MDGA2: variants seen among roughly 807,000 people sequenced by gnomAD.
MDGA2 encodes MAM domain containing glycosylphosphatidylinositol anchor 2.
In MDGA2, 40 loss-of-function variants were observed where a neutral mutation model predicts 117.8. The ratio of observed to expected loss-of-function variants is 0.34; its 90% CI spans 0.26 to 0.44. MDGA2 has a LOEUF of 0.44. Among genes scored for constraint, MDGA2 ranks in the 20% least tolerant of loss-of-function variants. The pLI is 1.00. For missense variants in MDGA2, 1,123 were observed against 1,250.6 expected, an observed-to-expected ratio of 0.90 and a Z score of 1.54; for synonymous variants, 452 against 439.0, an observed-to-expected ratio of 1.03 and a Z score of -0.37.
At chr14:47,380,375 C>T (rs1220176204) in intron 1 of MDGA2, among the ~76,000 whole-genome samples, 1 of 152,028 alleles carries the variant, frequency 6.6e-6, no homozygotes, top group Non-Finnish European at 1.5e-5. Flanking sequence ...AAGATTAAAG[C>T]AGAACTGACA....
chr14:46,845,948 C>A, intron 15 of MDGA2, 77 bp from the exon 16 acceptor site: 1 of 1,037,592 alleles, frequency 9.6e-7, no homozygotes. Flanking sequence ...ATCAAGGTGA[C>A]AAAAATAAAC....
intron 1 of MDGA2, among the ~76,000 whole-genome samples, chr14:47,329,250 GAAGAACTATCTA>G (rs1266836085): frequency 6.6e-6 from 1 of 151,832 alleles, no homozygotes; most frequent in Non-Finnish European, 1.5e-5. Flanking sequence ...CTATTATGTT[GAAGAACTATCTA>G]AAGACAAACA....
intron 2 of MDGA2, among the ~76,000 whole-genome samples, chr14:47,270,953 G>T (rs1888124959): frequency 6.6e-6 from 1 of 152,158 alleles, no homozygotes; most frequent in African/African-American, 2.4e-5. Flanking sequence ...GATTGAAGAT[G>T]TCCCTAGAAG....
chr14:47,356,807 A>T (rs562974176), intron 1 of MDGA2, among the ~76,000 whole-genome samples: 3 of 152,226 alleles, frequency 2.0e-5, no homozygotes, highest in Non-Finnish European at 2.9e-5. Context: ...ACCTCACTAA[A>T]CTTTGCATTC....
In MDGA2 at chr14:47,288,052, C is replaced by T. The variant is rs188454883; in HGVS notation, c.420+13359G>A. On this transcript the variant is annotated intron_variant, in intron 2 of 16. Transcript: ENST00000399232. ...TAATTTCAGAATTCTAGCCTCCAAA[C>T]GGAGAGGGAATACATTCCTGTTTTA... Among the ~76,000 whole-genome samples, 230 of 152,194 alleles carry T rather than the reference C, an allele frequency of 1.5e-3. 1 individual carries two copies. Among genetic ancestry groups the T allele is most frequent in the African/African-American group, 5.0e-3 (206 of 41,548 alleles).
At chr14:47,061,654 C>T in intron 6 of MDGA2, 76 bp from the exon 7 acceptor site, 1 of 1,179,484 alleles carries the variant, frequency 8.5e-7, no homozygotes, top group Non-Finnish European at 1.2e-6. Context: ...AGATAATCAT[C>T]TCTGAGCTGA....
At position 46,946,908 on chromosome 14, in the gene MDGA2, A is replaced by C. The variant is rs546718371; in HGVS notation, c.2089+10466T>G. 3.9e-5 allele frequency among the ~76,000 whole-genome samples: 6 copies of C among 152,190 alleles called. No homozygotes were observed. The South Asian group carries it at 1.2e-3, about 32-fold the overall frequency. On this transcript the variant is annotated intron_variant, in intron 9 of 16. Transcript: ENST00000399232. ...GGAAGGATGCCAGGTCCTTCCCCTT[A>C]TATCCTCATAAGACCTGCCCCTTAT...
At chr14:47,250,284 C>T (rs1308553853) in intron 2 of MDGA2, among the ~76,000 whole-genome samples, 1 of 152,206 alleles carries the variant, frequency 6.6e-6, no homozygotes, top group Non-Finnish European at 1.5e-5. Context: ...CCACATGATA[C>T]AATCCAAGCT....
At chr14:47,441,358 C>A (rs1459427355) in intron 1 of MDGA2, among the ~76,000 whole-genome samples, 1 of 152,126 alleles carries the variant, frequency 6.6e-6, no homozygotes, top group African/African-American at 2.4e-5. Context: ...ACAATGAATA[C>A]CCGCTGGCTG....
chr14:47,323,282 G>A (rs2139883909), intron 1 of MDGA2, among the ~76,000 whole-genome samples: 1 of 150,180 alleles, frequency 6.7e-6, no homozygotes, highest in Non-Finnish European at 1.5e-5. Context: ...ATGACTTGTG[G>A]CTTGACTTGA....
In MDGA2 at chr14:47,060,147, G is replaced by A. The variant is rs978582597; in HGVS notation, c.1525+1102C>T. Among the ~76,000 whole-genome samples the A allele has an allele frequency of 2.6e-5, 4 of 151,930 alleles. No homozygotes were observed. The South Asian group carries it at 6.2e-4, about 24-fold the overall frequency. On this transcript the variant is annotated intron_variant, in intron 7 of 16. Coordinates refer to ENST00000399232, the MANE Select transcript of MDGA2 (RefSeq NM_001113498.3). ...TTTTTTAAGCTAGAAAAGAAATAAT[G>A]TCCAAACACAAGTACTTTTCATCAC...
chr14:47,571,437 A>G (rs981321801), intron 1 of MDGA2, among the ~76,000 whole-genome samples: 2 of 152,220 alleles, frequency 1.3e-5, no homozygotes, highest in Non-Finnish European at 2.9e-5. Context: ...TCATTCTACT[A>G]TAAAGTCACA....
At chr14:47,371,996 A>G (rs1891370693) in intron 1 of MDGA2, among the ~76,000 whole-genome samples, 1 of 151,762 alleles carries the variant, frequency 6.6e-6, no homozygotes, top group African/African-American at 2.4e-5. Flanking sequence ...TCATTTTATA[A>G]AATACTCTCA....
At chr14:46,946,259 T>C (rs1224023122) in intron 9 of MDGA2, among the ~76,000 whole-genome samples, 1 of 151,996 alleles carries the variant, frequency 6.6e-6, no homozygotes, top group Non-Finnish European at 1.5e-5. Flanking sequence ...GGAGGGGAGA[T>C]TGTAGGCAGT....
At chr14:47,489,411 C>T (rs1894123694) in intron 1 of MDGA2, among the ~76,000 whole-genome samples, 1 of 151,978 alleles carries the variant, frequency 6.6e-6, no homozygotes, top group Non-Finnish European at 1.5e-5. Flanking sequence ...CAAAAATTGA[C>T]AGCTAATTAA....
At chr14:47,144,470 CTATT>C (rs1398297396) in intron 3 of MDGA2, among the ~76,000 whole-genome samples, 196 bp from the exon 4 acceptor site, 2 of 152,060 alleles carry the variant, frequency 1.3e-5, no homozygotes, top group African/African-American at 4.8e-5. Context: ...ATTAGTATCT[CTATT>C]TGTGGATATA....
chr14:46,918,971 C>G (rs910975220), intron 10 of MDGA2, among the ~76,000 whole-genome samples: 2 of 152,018 alleles, frequency 1.3e-5, no homozygotes, highest in East Asian at 1.9e-4. Context: ...ACCGTGTTAG[C>G]CAGGATGGTC....
At chr14:47,036,270 CAAAAA>C (rs11310113) in intron 7 of MDGA2, among the ~76,000 whole-genome samples, 1 of 74,454 alleles carries the variant, frequency 1.3e-5, no homozygotes, top group East Asian at 3.6e-4. Flanking sequence ...ACTCTGTCTC[CAAAAA>C]AAAAAAAAAA....
intron 1 of MDGA2, among the ~76,000 whole-genome samples, chr14:47,456,145 G>A (rs1018814638): frequency 1.3e-5 from 2 of 152,014 alleles, no homozygotes; most frequent in South Asian, 2.1e-4. Flanking sequence ...AAGGAGGGAA[G>A]GACAAGCCCT....
Sources: gnomAD v4.1 joint callset for allele counts (sites outside exome capture counted in the v4.1 genomes callset) on GRCh38, gnomAD v4.1.1 for gene constraint, MANE v1.5 for transcripts, NCBI Gene and HGNC (gene_info 2026-07-23, HGNC 2026-07-21) for gene names.